Variants in SDK2 observed in about 807,000 individuals in gnomAD.
The protein encoded by SDK2 is protein sidekick-2.
In SDK2, 105 loss-of-function variants were observed where a neutral mutation model predicts 253.9. The observed-to-expected ratio is 0.41, with a 90% confidence interval of 0.35 to 0.49. The LOEUF (loss-of-function observed/expected upper bound fraction) is 0.49. SDK2 is among the 20% of genes least tolerant of loss of function. The pLI is 0.06. For synonymous variants in SDK2, 1,249 were observed against 1,234.9 expected (o/e 1.01, Z -0.24); for missense variants, 2,608 against 3,003.0 (o/e 0.87, Z 3.07).
At chr17:73,451,236 G>C (rs757159827) in intron 4 of SDK2, among the ~76,000 whole-genome samples, 1 of 152,258 alleles carries the variant, frequency 6.6e-6, no homozygotes, top group Non-Finnish European at 1.5e-5. Flanking sequence ...GCTGGGCACG[G>C]TGGCTCATGC....
intron 18 of SDK2, among the ~76,000 whole-genome samples, chr17:73,408,047 CT>C (rs951934202): frequency 2.9e-4 from 19 of 66,250 alleles, no homozygotes; most frequent in East Asian, 1.1e-3. Context: ...AAAATATTTC[CT>C]TTTTTTTTTT....
rs923300831 is a variant in SDK2, at chr17:73,609,066, T to C, written c.64+34959A>G. Among the ~76,000 whole-genome samples, 15 of 152,242 alleles carry C rather than the reference T, an allele frequency of 9.9e-5. No homozygotes were observed. The highest frequency in any genetic ancestry group is 1.7e-4 in the African/African-American group (7 of 41,458). ...GGTTTGGGCTGCAGATCACTGCATC[T>C]TGGCATTGACCTCAGTAAAGCCTGG... On this transcript the variant is annotated intron_variant, in intron 1 of 44. Transcript: ENST00000392650. The surrounding 1 kb of genome is among the most constrained non-coding windows in gnomAD (Gnocchi z 4.4).
intron 39 of SDK2, among the ~76,000 whole-genome samples, chr17:73,360,372 C>T (rs1463982489): frequency 6.6e-6 from 1 of 152,182 alleles, no homozygotes; most frequent in African/African-American, 2.4e-5. Context: ...GACTCTCTTC[C>T]TGAGTCAGGC....
chr17:73,431,401 G>T lies in SDK2; in HGVS notation c.1480+101C>A, dbSNP rs140156617. ...GACACTGGGGATGGAGACACTGGTG[G>T]TATGAGCCTGTGCCCCGTAGCTGTC... On this transcript the variant is annotated intron_variant, in intron 11 of 44. Transcript: ENST00000392650. This position sits in a 1 kb window ranked among gnomAD's most constrained non-coding sequence, Gnocchi z 5.6. 445 of 1,150,494 alleles carry T rather than the reference G, an allele frequency of 3.9e-4. 1 individual carries two copies. In the African/African-American group the frequency reaches 5.5e-3, roughly 14 times the overall value. 71.3% of individuals were successfully genotyped at this position (1,150,494 alleles called of 1,614,324 possible).
chr17:73,461,978 G>A (rs184369195), intron 3 of SDK2, among the ~76,000 whole-genome samples: 2 of 145,040 alleles, frequency 1.4e-5, no homozygotes, highest in African/African-American at 2.9e-5. Flanking sequence ...GGTTACATAT[G>A]CATGTATGCA....
chr17:73,639,457 G>A lies in SDK2; in HGVS notation c.64+4568C>T, dbSNP rs554953879. Among the ~76,000 whole-genome samples the A allele has an allele frequency of 5.9e-5, 9 of 152,334 alleles. No individual in the cohort carries two copies. Among genetic ancestry groups the A allele is most frequent in the African/African-American group, 1.9e-4 (8 of 41,574 alleles). On this transcript the variant is annotated intron_variant, in intron 1 of 44. Transcript: ENST00000392650. This position sits in a 1 kb window ranked among gnomAD's most constrained non-coding sequence, Gnocchi z 4.3. ...ACCTAGGGGAGGGGGCACCCGGGGT[G>A]TCTCGGCAACCAGCTTGTTTTCCTT... is the stretch of plus-strand genomic sequence containing the variant.
At chr17:73,567,606 AG>A (rs2045329484) in intron 1 of SDK2, among the ~76,000 whole-genome samples, 1 of 152,226 alleles carries the variant, frequency 6.6e-6, no homozygotes, top group African/African-American at 2.4e-5. Flanking sequence ...AAAAACAGCC[AG>A]GGGGGCTGTG....
chr17:73,357,789 G>A, intron 40 of SDK2: 1 of 515,560 alleles, frequency 1.9e-6, no homozygotes, highest in Non-Finnish European at 3.5e-6. Flanking sequence ...ACCCACGTGA[G>A]CCACGTGCTC....
chr17:73,591,079 C>T (rs60596233), intron 1 of SDK2, among the ~76,000 whole-genome samples: 1 of 152,146 alleles, frequency 6.6e-6, no homozygotes, highest in Admixed American at 6.5e-5. Context: ...GCCACTACAC[C>T]TGGCTAATTT....
chr17:73,617,416 T>G (rs2046075309), intron 1 of SDK2, among the ~76,000 whole-genome samples: 1 of 152,018 alleles, frequency 6.6e-6, no homozygotes, highest in Non-Finnish European at 1.5e-5. Flanking sequence ...AGTTTTGCTC[T>G]AAGGCAAGGA....
At chr17:73,562,280 G>A (rs4789155) in intron 1 of SDK2, among the ~76,000 whole-genome samples, 42,282 of 152,028 alleles carry the variant, frequency 0.28, 6,141 homozygotes, top group East Asian at 0.48. Context: ...CATCTTTATC[G>A]GACGTTTTGA....
rs73999012 is a variant in SDK2, at chr17:73,380,865, C to A, written c.4762+29G>T. ...CAATCCCCTGCGAGGCCTGGGCCCGCGATGAAGCCACCATGCAAGGAGACT... is the reference window on the plus strand; with the variant it reads ...CAATCCCCTGCGAGGCCTGGGCCCGAGATGAAGCCACCATGCAAGGAGACT... On this transcript the variant is annotated intron_variant, in intron 34 of 44. Transcript: ENST00000392650. 606 of 1,554,726 alleles carry A rather than the reference C, an allele frequency of 3.9e-4. 6 individuals are homozygous for A. The African/African-American group carries it at 6.7e-3, about 17-fold the overall frequency.
intron 22 of SDK2, among the ~76,000 whole-genome samples, chr17:73,398,716 G>A (rs906465756): frequency 1.3e-5 from 2 of 152,210 alleles, no homozygotes; most frequent in African/African-American, 4.8e-5. Flanking sequence ...TCCCTCGAGT[G>A]CTGCCCAGGA....
At chr17:73,503,194 G>A (rs189566136) in intron 2 of SDK2, among the ~76,000 whole-genome samples, 34 of 152,330 alleles carry the variant, frequency 2.2e-4, no homozygotes, top group Admixed American at 3.3e-4. Flanking sequence ...TCCCCGATTA[G>A]GTCCGGCGTT....
intron 2 of SDK2, among the ~76,000 whole-genome samples, chr17:73,493,070 T>C (rs932042447): frequency 1.3e-5 from 2 of 152,130 alleles, no homozygotes; most frequent in African/African-American, 4.8e-5. Flanking sequence ...TGAACTCTCA[T>C]TTCCATGCAC....
At chr17:73,346,147 A>C (rs2062481958) in intron 44 of SDK2, among the ~76,000 whole-genome samples, 1 of 151,710 alleles carries the variant, frequency 6.6e-6, no homozygotes, top group African/African-American at 2.4e-5. Context: ...TGGAGGTTGC[A>C]GTGAGCTGAG....
At chr17:73,394,144 C>T in intron 26 of SDK2, 65 bp downstream of exon 26, 1 of 1,004,212 alleles carries the variant, frequency 1.0e-6, no homozygotes, top group Non-Finnish European at 1.4e-6. Flanking sequence ...AGGACAAGGC[C>T]CCTTGGATGG....
intron 1 of SDK2, chr17:73,520,046 T>C (rs1434988971): frequency 9.8e-5 from 15 of 152,312 alleles, no homozygotes; most frequent in Admixed American, 9.2e-4. Context: ...CGCGGCTCTA[T>C]GGCCCTTTCC....
At chr17:73,523,259 A>G (rs57739102) in intron 1 of SDK2, among the ~76,000 whole-genome samples, 1 of 151,916 alleles carries the variant, frequency 6.6e-6, no homozygotes, top group African/African-American at 2.4e-5. Flanking sequence ...TTATGCCAGG[A>G]GAGCCTCTCT....
Sources: gnomAD v4.1 joint callset for allele counts (sites outside exome capture counted in the v4.1 genomes callset) on GRCh38, gnomAD v4.1.1 for gene constraint, Gnocchi (gnomAD v3.1) non-coding constraint, MANE v1.5 for transcripts, NCBI Gene and HGNC (gene_info 2026-07-23, HGNC 2026-07-21) for gene names.